SLCO5A1: variants seen among roughly 807,000 people sequenced by gnomAD.
SLCO5A1 encodes organic anion transporter polypeptide-related protein 4.
Under a neutral mutation model 65.1 loss-of-function variants are expected in SLCO5A1, and 39 were observed. The observed-to-expected ratio is 0.60, with a 90% CI of 0.46 to 0.78. The LOEUF (loss-of-function observed/expected upper bound fraction) is 0.78. SLCO5A1 is among the 30% of genes least tolerant of loss of function. The pLI, the probability that SLCO5A1 is intolerant of heterozygous loss-of-function variation, is 0.00. For synonymous variants in SLCO5A1, 438 were observed against 415.7 expected (o/e 1.05, Z -0.65); for missense variants, 1,029 against 1,069.4 (o/e 0.96, Z 0.53).
chr8:69,711,359 C>A (rs1815246335), intron 5 of SLCO5A1, among the ~76,000 whole-genome samples: 2 of 152,314 alleles, frequency 1.3e-5, no homozygotes, highest in African/African-American at 4.8e-5. Context: ...CCGACCCTGC[C>A]GCGTTCCCAG....
intron 5 of SLCO5A1, among the ~76,000 whole-genome samples, chr8:69,705,997 G>A (rs1263046082): frequency 1.3e-5 from 2 of 152,174 alleles, no homozygotes; most frequent in Non-Finnish European, 2.9e-5. Context: ...CAAGATATTT[G>A]AAGCATTATA....
rs1229397912 is a variant in SLCO5A1 at position 69,738,258 on chromosome 8, A to T, written c.1259-54T>A. The T allele has an allele frequency of 2.0e-6, 3 of 1,473,620 alleles. No individual in the cohort carries two copies. In the African/African-American group the frequency reaches 4.2e-5, roughly 21 times the overall value. 91.3% of individuals were successfully genotyped at this position (1,473,620 alleles called of 1,614,324 possible). On this transcript the variant is annotated intron_variant, in intron 4 of 9. Coordinates refer to ENST00000260126, the MANE Select transcript of SLCO5A1 (RefSeq NM_030958.3). ...TGTTATAAACAATGGATGGAAAACAAAATAAAACTGAATTGTTTTTGAAAT... is the reference window on the plus strand; with the variant it reads ...TGTTATAAACAATGGATGGAAAACATAATAAAACTGAATTGTTTTTGAAAT...
In SLCO5A1 at chr8:69,832,924, A is replaced by G. The variant is rs570083491; in HGVS notation, c.-251T>C. Reference sequence around the variant, plus strand: ...CAGGGGTCCGCGCGGTACTGCGATGAGCCCTACTCGGCGTCCCTCTCCGGG... The same window carrying G: ...CAGGGGTCCGCGCGGTACTGCGATGGGCCCTACTCGGCGTCCCTCTCCGGG... On this transcript the variant is annotated 5_prime_UTR_variant, in exon 2 of 10. Transcript: ENST00000260126. This position sits in a 1 kb window ranked among gnomAD's most constrained non-coding sequence, Gnocchi z 4.5. The G allele has an allele frequency of 6.2e-6, 3 of 486,298 alleles. No homozygotes were observed. In the East Asian group the frequency reaches 1.1e-4, roughly 18 times the overall value. The allele number at this position is 486,298 out of a possible 1,614,324, so 30.1% of individuals were successfully genotyped here. A position where few individuals can be genotyped will look rare whatever the true frequency, so the allele number is the denominator to read the frequency against.
rs966779038 is a variant in SLCO5A1 at position 69,832,420 on chromosome 8, G to T, written c.254C>A (p.Ala85Asp). The change falls in exon 2 of 10, where the codon GCC (alanine) becomes GAC (aspartate). Residue 85 changes from alanine to aspartate, a missense_variant. Transcript: ENST00000260126. The surrounding 1 kb of genome is among the most constrained non-coding windows in gnomAD (Gnocchi z 4.5). ...CCCGAGCCCCGCCGAAGTGGACGGG[G>T]CAGAGGGACTGGGGGCCAACGGGTT... The part of the protein sequence containing the change: ...GPNPLAPSPS[A>D]PSTSAGLGDC... 9 of 1,613,076 alleles carry T rather than the reference G, an allele frequency of 5.6e-6. No individual in the cohort carries two copies. The highest frequency in any genetic ancestry group is 7.6e-6 in the Non-Finnish European group (9 of 1,179,588).
At position 69,764,874 on chromosome 8, in the gene SLCO5A1, A is replaced by G. The variant is rs1004544734; in HGVS notation, c.908-2999T>C. Reference sequence around the variant, plus strand: ...AGACAGGGAAAAGGGTATTTCCGCCATAGTGTTTATGCCAGGTGCACCTGA... The same window carrying G: ...AGACAGGGAAAAGGGTATTTCCGCCGTAGTGTTTATGCCAGGTGCACCTGA... On this transcript the variant is annotated intron_variant, in intron 2 of 9. Coordinates refer to ENST00000260126, the MANE Select transcript of SLCO5A1 (RefSeq NM_030958.3). Among the ~76,000 whole-genome samples the G allele has an allele frequency of 2.0e-5, 3 of 152,214 alleles. No individual in the cohort carries two copies. In the East Asian group the frequency reaches 5.8e-4, roughly 29 times the overall value.
rs200983629 is a variant in SLCO5A1, at chr8:69,673,079, G to T, written c.2337C>A (p.Thr779=). 3 of 1,614,176 alleles carry T rather than the reference G, an allele frequency of 1.9e-6. No homozygotes were observed. The highest frequency in any genetic ancestry group is 1.3e-5 in the African/African-American group (1 of 75,040). Residue 779 remains threonine (T), a synonymous_variant, in exon 10 of 10, where the codon ACC becomes ACA. Coordinates refer to ENST00000260126, the MANE Select transcript of SLCO5A1 (RefSeq NM_030958.3). ...RRRQREFPLS[T]VSERVGHPDN... ...CGGGGTGTCCCACTCTCTCACTCAC[G>T]GTGCTCAGGGGAAATTCTCTCTGCC...
chr8:69,673,310 T>C lies in SLCO5A1; in HGVS notation c.2106A>G (p.Pro702=), dbSNP rs142964733. The part of the protein sequence containing the change: ...LLRTLAYIPT[P]IYFGAVIDTT... ...TGTCAATGACTGCTCCAAAGTAGATTGGAGTAGGAATGTATGCTAGAGGGG... is the reference window on the plus strand; with the variant it reads ...TGTCAATGACTGCTCCAAAGTAGATCGGAGTAGGAATGTATGCTAGAGGGG... Residue 702 remains proline (P), a synonymous_variant, in exon 10 of 10, where the codon CCA becomes CCG. Coordinates refer to ENST00000260126, the MANE Select transcript of SLCO5A1 (RefSeq NM_030958.3). 141 of 1,613,692 alleles carry C rather than the reference T, an allele frequency of 8.7e-5. No homozygotes were observed. The highest frequency in any genetic ancestry group is 1.0e-4 in the Non-Finnish European group (119 of 1,179,782).
At chr8:69,813,100 T>C (rs1820272939) in intron 2 of SLCO5A1, among the ~76,000 whole-genome samples, 1 of 152,196 alleles carries the variant, frequency 6.6e-6, no homozygotes, top group African/African-American at 2.4e-5. Flanking sequence ...TGGTCCGTCA[T>C]TACACATTGA....
At position 69,735,746 on chromosome 8, in the gene SLCO5A1, A is replaced by G. The variant is rs549771016; in HGVS notation, c.1423+2294T>C. 3.3e-4 allele frequency among the ~76,000 whole-genome samples: 50 copies of G among 152,314 alleles called. 3 individuals are homozygous for G. The highest frequency in any genetic ancestry group is 1.1e-3 in the African/African-American group (44 of 41,578). On this transcript the variant is annotated intron_variant, in intron 5 of 9. Transcript: ENST00000260126. Reference sequence around the variant, plus strand: ...CTTAATACCCAGGTGATGGGTTGGTAGGTGCAGCAAACCACCATGGCACAC... The same window carrying G: ...CTTAATACCCAGGTGATGGGTTGGTGGGTGCAGCAAACCACCATGGCACAC...
At chr8:69,710,112 A>G (rs1464874100) in intron 5 of SLCO5A1, among the ~76,000 whole-genome samples, 1 of 145,246 alleles carries the variant, frequency 6.9e-6, no homozygotes, top group African/African-American at 2.6e-5. Flanking sequence ...TCCGCCTCCC[A>G]GGTTCAAGTG....
At position 69,705,581 on chromosome 8, in the gene SLCO5A1, G is replaced by A. The variant is rs553146987; in HGVS notation, c.1424-352C>T. Among the ~76,000 whole-genome samples, 176 of 152,258 alleles carry A rather than the reference G, an allele frequency of 1.2e-3. 1 individual carries two copies. The highest frequency in any genetic ancestry group is 4.1e-3 in the African/African-American group (170 of 41,528). Reference sequence around the variant, plus strand: ...TCATTACACAGAAGGAAATACAGGTGATGCACTTAACACATAGAAATGATA... The same window carrying A: ...TCATTACACAGAAGGAAATACAGGTAATGCACTTAACACATAGAAATGATA... On this transcript the variant is annotated intron_variant, in intron 5 of 9. Coordinates refer to ENST00000260126, the MANE Select transcript of SLCO5A1 (RefSeq NM_030958.3).
chr8:69,795,148 C>T (rs1013588577), intron 2 of SLCO5A1, among the ~76,000 whole-genome samples: 5 of 152,158 alleles, frequency 3.3e-5, no homozygotes, highest in Admixed American at 1.3e-4. Flanking sequence ...TATCACTCCA[C>T]CTCTGGCCCT....
intron 5 of SLCO5A1, 78 bp from the exon 6 acceptor site, chr8:69,705,307 AGTAGTACTGAG>A: frequency 7.1e-7 from 1 of 1,401,984 alleles, no homozygotes; most frequent in Non-Finnish European, 9.9e-7. Flanking sequence ...TCTCTTGCTC[AGTAGTACTGAG>A]GTAAAAAATC....
At chr8:69,811,442 G>A (rs1798057985) in intron 2 of SLCO5A1, among the ~76,000 whole-genome samples, 1 of 152,240 alleles carries the variant, frequency 6.6e-6, no homozygotes, top group Admixed American at 6.5e-5. Flanking sequence ...ACACAAGGAA[G>A]CAGAGATTCC....
intron 4 of SLCO5A1, among the ~76,000 whole-genome samples, chr8:69,751,985 C>T (rs186506849): frequency 7.9e-5 from 12 of 152,296 alleles, no homozygotes; most frequent in African/African-American, 1.9e-4. Context: ...AATCCCAGCA[C>T]GTTGGGAGGC....
chr8:69,672,679 G>T lies in SLCO5A1; in HGVS notation c.*190C>A. 1.6e-6 allele frequency: 1 copy of T among 617,478 alleles called. No individual in the cohort carries two copies. The highest frequency in any genetic ancestry group is 2.8e-6 in the Non-Finnish European group (1 of 361,632). The allele number at this position is 617,478 out of a possible 1,614,324, so 38.2% of individuals were successfully genotyped here. ...ACGTCTCCTTCTTGGAGAGAAGCGGGGAAAGGCTCTCAGTCTTGTTGAGGT... is the reference window on the plus strand; with the variant it reads ...ACGTCTCCTTCTTGGAGAGAAGCGGTGAAAGGCTCTCAGTCTTGTTGAGGT... On this transcript the variant is annotated 3_prime_UTR_variant, in exon 10 of 10. Coordinates refer to ENST00000260126, the MANE Select transcript of SLCO5A1 (RefSeq NM_030958.3).
chr8:69,761,198 C>G (rs999385705), intron 3 of SLCO5A1, among the ~76,000 whole-genome samples: 1 of 152,202 alleles, frequency 6.6e-6, no homozygotes, highest in African/African-American at 2.4e-5. Flanking sequence ...TGTATAAGCT[C>G]TCTGCTATAA....
intron 5 of SLCO5A1, among the ~76,000 whole-genome samples, chr8:69,715,215 C>T (rs1413739408): frequency 6.6e-6 from 1 of 152,154 alleles, no homozygotes; most frequent in Non-Finnish European, 1.5e-5. Context: ...AGGTGAAAAC[C>T]GCTAAGCAAA....
intron 4 of SLCO5A1, among the ~76,000 whole-genome samples, chr8:69,750,884 A>G (rs184648192): frequency 1.4e-3 from 218 of 152,186 alleles, no homozygotes; most frequent in Non-Finnish European, 2.5e-3. Flanking sequence ...TAACTAAAGC[A>G]TGGAGTACAG....
Sources: gnomAD v4.1 joint callset for allele counts (sites outside exome capture counted in the v4.1 genomes callset) on GRCh38, gnomAD v4.1.1 for gene constraint, Gnocchi (gnomAD v3.1) non-coding constraint, MANE v1.5 for transcripts, NCBI Gene and HGNC (gene_info 2026-07-23, HGNC 2026-07-21) for gene names.